The following COL25A1 variants were observed in gnomAD, a reference collection of about 807,000 sequenced individuals.
COL25A1 encodes collagen alpha-1(XXV) chain.
In COL25A1, 103 loss-of-function variants were observed where a neutral mutation model predicts 128.4. The ratio of observed to expected loss-of-function variants is 0.80; its 90% CI spans 0.68 to 0.94. The LOEUF (loss-of-function observed/expected upper bound fraction) is 0.94, where lower values mean the gene tolerates loss of function less well. COL25A1 is among the 40% of genes least tolerant of loss of function. The pLI is 0.00. For missense variants in COL25A1, 745 were observed against 840.0 expected, an observed-to-expected ratio of 0.89 and a Z score of 1.40; for synonymous variants, 279 against 277.2, an observed-to-expected ratio of 1.01 and a Z score of -0.06.
intron 31 of COL25A1, among the ~76,000 whole-genome samples, chr4:108,835,003 G>A (rs964848194): frequency 6.6e-6 from 1 of 152,138 alleles, no homozygotes; most frequent in African/African-American, 2.4e-5. Context: ...GGACTTCTAG[G>A]AAAGGGAAAA....
intron 11 of COL25A1, among the ~76,000 whole-genome samples, chr4:108,934,896 A>G (rs1747220534): frequency 6.6e-6 from 1 of 152,192 alleles, no homozygotes; most frequent in South Asian, 2.1e-4. Flanking sequence ...GAGTGATAAT[A>G]ATAATAACAT....
In COL25A1 at chr4:109,057,421, A is replaced by ATTTTTTTTT. The variant is rs776941019; in HGVS notation, c.368-7251_368-7243dup. ...TAGCTGGGACCACCATGCCTAGCTA[A>ATTTTTTTTT]TTTTTTTTTTTTTTTTTTTTTTTTT... On this transcript the variant is annotated intron_variant, in intron 3 of 37. Transcript: ENST00000399132. Among the ~76,000 whole-genome samples, 43 of 20,240 alleles carry ATTTTTTTTT rather than the reference A, an allele frequency of 2.1e-3. 4 individuals carry two copies. Among genetic ancestry groups the ATTTTTTTTT allele is most frequent in the Non-Finnish European group, 2.5e-3 (29 of 11,480 alleles). The allele number at this position is 20,240 out of a possible 152,430, so 13.3% of individuals were successfully genotyped here. A position where few individuals can be genotyped will look rare whatever the true frequency, so the allele number is the denominator to read the frequency against.
chr4:108,940,643 C>T lies in COL25A1; in HGVS notation c.568G>A (p.Asp190Asn). 6.3e-7 allele frequency: 1 copy of T among 1,590,550 alleles called. No individual in the cohort carries two copies. Among genetic ancestry groups the T allele is most frequent in the Non-Finnish European group, 8.6e-7 (1 of 1,169,490 alleles). Residue 190 changes from aspartate (D) to asparagine (N), a missense_variant, in exon 10 of 38, where the codon GAC becomes AAC. Asp to Asn is a conservative substitution (Grantham distance 23). This residue lies in a region of COL25A1 where 319 missense variants were observed against 324.9 expected (regional missense o/e 0.98). Coordinates refer to ENST00000399132, the MANE Select transcript of COL25A1 (RefSeq NM_198721.4). The part of the protein sequence containing the change: ...QLIKRRLIKG[D>N]QGQAGPPGPP... The stretch of plus-strand genomic sequence containing the variant: ...CCTGGAGGCCCTGCCTGTCCTTGGT[C>T]ACCCTGTGATGGAGAAGGGAACAGA...
intron 3 of COL25A1, among the ~76,000 whole-genome samples, chr4:109,252,229 A>G (rs531930397): frequency 5.3e-5 from 8 of 152,234 alleles, no homozygotes; most frequent in Non-Finnish European, 1.2e-4. Flanking sequence ...AAGAGGTCCA[A>G]TGAAATCAAC....
intron 3 of COL25A1, among the ~76,000 whole-genome samples, chr4:109,221,555 A>AT (rs1778413594): frequency 6.6e-6 from 1 of 152,228 alleles, no homozygotes; most frequent in African/African-American, 2.4e-5. Context: ...ACATGTATGC[A>AT]TATCTGTTGT....
In COL25A1 at chr4:108,834,292, T is replaced by A. The variant is rs150925448; in HGVS notation, c.1657-1859A>T. 2.1e-4 allele frequency: 316 copies of A among 1,483,106 alleles called. 1 individual carries two copies. The African/African-American group carries it at 4.2e-3, about 19-fold the overall frequency. 91.9% of individuals were successfully genotyped at this position (1,483,106 alleles called of 1,614,324 possible). ...TGAGAGGACATGGAGCAAAGGGGTC[T>A]GTGCTGAAGCACATGATTCACAGCC... On this transcript the variant is annotated intron_variant, in intron 31 of 37. Transcript: ENST00000399132.
At chr4:108,883,608 T>G (rs975263304) in intron 19 of COL25A1, among the ~76,000 whole-genome samples, 5 of 152,190 alleles carry the variant, frequency 3.3e-5, no homozygotes, top group African/African-American at 9.6e-5. Context: ...AAAACAAATG[T>G]TTTCAAACTA....
intron 13 of COL25A1, among the ~76,000 whole-genome samples, chr4:108,911,896 T>C (rs1457665514): frequency 6.6e-6 from 1 of 151,920 alleles, no homozygotes; most frequent in Non-Finnish European, 1.5e-5. Context: ...AACTGTTTAT[T>C]CTTCCTTCTC....
intron 8 of COL25A1, among the ~76,000 whole-genome samples, chr4:108,953,263 T>C (rs1749673050): frequency 2.0e-5 from 3 of 152,182 alleles, no homozygotes; most frequent in African/African-American, 7.2e-5. Context: ...TACCTTTCTG[T>C]ACTAGTTCAT....
chr4:109,107,791 A>G (rs1426770693), intron 3 of COL25A1, among the ~76,000 whole-genome samples: 1 of 152,218 alleles, frequency 6.6e-6, no homozygotes, highest in Non-Finnish European at 1.5e-5. Flanking sequence ...TGACTACCAA[A>G]AGAAACAAAA....
At chr4:109,211,307 T>TAC (rs1189579096) in intron 3 of COL25A1, among the ~76,000 whole-genome samples, 1 of 53,288 alleles carries the variant, frequency 1.9e-5, no homozygotes, top group East Asian at 4.6e-4. Flanking sequence ...TATATATATA[T>TAC]ATATATATAT....
chr4:109,056,440 A>AT (rs1319512470), intron 3 of COL25A1, among the ~76,000 whole-genome samples: 1 of 152,136 alleles, frequency 6.6e-6, no homozygotes, highest in Non-Finnish European at 1.5e-5. Context: ...CCTAGAGGAT[A>AT]TTTTTTAGAT....
At chr4:108,937,733 T>C (rs1392468965) in intron 11 of COL25A1, 75 bp downstream of exon 11, 4 of 1,253,176 alleles carry the variant, frequency 3.2e-6, no homozygotes, top group African/African-American at 3.0e-5. Flanking sequence ...GACAGATACA[T>C]TCATCACACA....
intron 6 of COL25A1, among the ~76,000 whole-genome samples, chr4:109,003,756 C>T (rs976155571): frequency 8.5e-5 from 13 of 152,096 alleles, no homozygotes; most frequent in East Asian, 1.9e-4. Flanking sequence ...GCCAAGATCG[C>T]GCCATTGCAC....
At chr4:108,869,750 T>G (rs2125810226) in intron 19 of COL25A1, among the ~76,000 whole-genome samples, 1 of 152,324 alleles carries the variant, frequency 6.6e-6, no homozygotes, top group East Asian at 1.9e-4. Flanking sequence ...TATAAGAGTT[T>G]ACCCAAAATC....
At chr4:108,961,250 G>C (rs144879201) in intron 8 of COL25A1, among the ~76,000 whole-genome samples, 300 of 152,252 alleles carry the variant, frequency 2.0e-3, no homozygotes, top group African/African-American at 6.9e-3. Flanking sequence ...ATTGGTGAGT[G>C]TAATTATGAG....
chr4:109,300,181 C>CAAAA (rs11404203), intron 3 of COL25A1, among the ~76,000 whole-genome samples: 1 of 125,984 alleles, frequency 7.9e-6, no homozygotes. Flanking sequence ...TAAACCAAAA[C>CAAAA]AAAAAAAAAA....
At chr4:108,853,315 A>G (rs1315193194) in intron 24 of COL25A1, among the ~76,000 whole-genome samples, 3 of 152,104 alleles carry the variant, frequency 2.0e-5, no homozygotes, top group East Asian at 1.9e-4. Flanking sequence ...GAAATACCCA[A>G]TTGCATATTT....
intron 6 of COL25A1, among the ~76,000 whole-genome samples, chr4:108,983,881 T>G (rs1052471698): frequency 1.1e-4 from 16 of 152,244 alleles, no homozygotes; most frequent in African/African-American, 3.9e-4. Flanking sequence ...CAGCAGGATT[T>G]ATTGCAAAGA....
Sources: gnomAD v4.1 joint callset for allele counts (sites outside exome capture counted in the v4.1 genomes callset) on GRCh38, gnomAD v4.1.1 for gene constraint, gnomAD v4.1.1 regional missense constraint, MANE v1.5 for transcripts, NCBI Gene and HGNC (gene_info 2026-07-23, HGNC 2026-07-21) for gene names.